Variants in SPTY2D1 observed in about 807,000 individuals in gnomAD.
The protein encoded by SPTY2D1 is SPT2 chromatin protein domain containing 1, also known as protein SPT2 homolog.
A neutral mutation model predicts 64.0 loss-of-function variants in SPTY2D1; 21 were observed. That is an observed-to-expected ratio of 0.33 (90% CI 0.23 to 0.47). SPTY2D1 has a LOEUF of 0.47. SPTY2D1 is among the 20% of genes least tolerant of loss of function. The pLI is 1.00. For missense variants in SPTY2D1, 724 were observed against 837.2 expected, an observed-to-expected ratio of 0.86 and a Z score of 1.67; for synonymous variants, 287 against 286.8, an observed-to-expected ratio of 1.00 and a Z score of -0.01.
At chr11:18,610,911 T>A (rs543606050) in intron 5 of SPTY2D1, among the ~76,000 whole-genome samples, 59 of 152,352 alleles carry the variant, frequency 3.9e-4, no homozygotes, top group African/African-American at 1.4e-3. Context: ...TTACTGTGTA[T>A]CCACACATGT....
At chr11:18,617,046 G>T (rs763752246) in intron 1 of SPTY2D1, 57 bp from the exon 2 acceptor site, 6 of 1,431,922 alleles carry the variant, frequency 4.2e-6, no homozygotes, top group Non-Finnish European at 5.9e-6. Flanking sequence ...TACATTATTA[G>T]GTATAAGGCA....
Position 18,615,679 on chromosome 11 carries a change from C to T in SPTY2D1, c.595G>A (p.Ala199Thr), listed in dbSNP as rs779603459. The stretch of plus-strand genomic sequence containing the variant: ...AATTCTCGCTCCCTAAGTTCTTCTG[C>T]GGTCATAGGTCGCTCTTCTGATTTC... ...VKKSEERPMT[A>T]EELREREFLE... The change falls in exon 3 of 6, where the codon GCA becomes ACA. Residue 199 changes from alanine (A) to threonine (T), a missense_variant. Physicochemically the swap from Ala to Thr is moderately conservative, Grantham distance 58. This residue lies in a region of SPTY2D1 where 179 missense variants were observed against 232.5 expected (regional missense o/e 0.77). Coordinates refer to ENST00000336349, the MANE Select transcript of SPTY2D1 (RefSeq NM_194285.3). The T allele has an allele frequency of 1.2e-5, 19 of 1,614,032 alleles. No homozygotes were observed. The highest frequency in any genetic ancestry group is 1.6e-4 in the Middle Eastern group (1 of 6,084).
chr11:18,607,742 C>T lies in SPTY2D1; in HGVS notation c.*2119G>A, dbSNP rs1020260795. The T allele has an allele frequency of 3.9e-5, 6 of 152,112 alleles. No individual in the cohort carries two copies. The highest frequency in any genetic ancestry group is 1.4e-4 in the African/African-American group (6 of 41,408). 9.4% of individuals were successfully genotyped at this position (152,112 alleles called of 1,614,324 possible). A position where few individuals can be genotyped will look rare whatever the true frequency, so the allele number is the denominator to read the frequency against. On this transcript the variant is annotated 3_prime_UTR_variant, in exon 6 of 6. Transcript: ENST00000336349. ...CTTTTAAATGAGCCACAGAAGTGCT[C>T]TTTTATAATGTTGACGCAAATCAAC...
At chr11:18,621,731 CT>C (rs1217844953) in intron 1 of SPTY2D1, among the ~76,000 whole-genome samples, 1 of 152,086 alleles carries the variant, frequency 6.6e-6, no homozygotes, top group Non-Finnish European at 1.5e-5. Context: ...TTTAATGAGG[CT>C]TAATCTTGTT....
intron 1 of SPTY2D1, among the ~76,000 whole-genome samples, chr11:18,628,304 G>A (rs1854531482): frequency 6.6e-6 from 1 of 152,170 alleles, no homozygotes; most frequent in Non-Finnish European, 1.5e-5. Context: ...GAACATTTGT[G>A]TACAAGTTTT....
intron 1 of SPTY2D1, among the ~76,000 whole-genome samples, chr11:18,627,715 A>G (rs1854520941): frequency 6.6e-6 from 1 of 152,050 alleles, no homozygotes; most frequent in Non-Finnish European, 1.5e-5. Context: ...CGTCTCTACT[A>G]AAAATACAAA....
At chr11:18,613,466 C>T (rs1464666898) in intron 3 of SPTY2D1, among the ~76,000 whole-genome samples, 2 of 152,154 alleles carry the variant, frequency 1.3e-5, no homozygotes, top group African/African-American at 2.4e-5. Context: ...AATGACATTT[C>T]GGACCAGATA....
rs539624644 is a variant in SPTY2D1, at chr11:18,617,316, G to A, written c.61-327C>T. On this transcript the variant is annotated intron_variant, in intron 1 of 5. Transcript: ENST00000336349. ...AATGAAATCACCACTTAGAAGAATC[G>A]ATTATTTGTGTTTTAAAATTCTGAT... 2.2e-3 allele frequency among the ~76,000 whole-genome samples: 328 copies of A among 152,158 alleles called. 5 individuals carry two copies. The highest frequency in any genetic ancestry group is 7.3e-3 in the African/African-American group (303 of 41,502).
intron 3 of SPTY2D1, among the ~76,000 whole-genome samples, chr11:18,614,313 C>A (rs1462167748): frequency 6.6e-6 from 1 of 152,006 alleles, no homozygotes; most frequent in Non-Finnish European, 1.5e-5. Flanking sequence ...TCCCAGCTAC[C>A]TGGGAAGCTA....
At chr11:18,611,327 A>G in intron 5 of SPTY2D1, 150 bp downstream of exon 5, 1 of 719,640 alleles carries the variant, frequency 1.4e-6, no homozygotes, top group Non-Finnish European at 2.4e-6. Flanking sequence ...ACTGTTAAGG[A>G]ATTTGTCCAA....
intron 1 of SPTY2D1, among the ~76,000 whole-genome samples, chr11:18,627,702 C>A (rs1854520706): frequency 6.6e-6 from 1 of 152,070 alleles, no homozygotes; most frequent in African/African-American, 2.4e-5. Flanking sequence ...CACAGTGAAA[C>A]CCCGTCTCTA....
intron 2 of SPTY2D1, 29 bp from the exon 3 acceptor site, chr11:18,616,127 T>C (rs753115883): frequency 2.6e-6 from 4 of 1,546,606 alleles, no homozygotes; most frequent in South Asian, 1.2e-5. Context: ...GAATATGTTA[T>C]TACTTCGAGA....
At chr11:18,621,355 G>GAAAAGAA (rs1357017849) in intron 1 of SPTY2D1, among the ~76,000 whole-genome samples, 1 of 150,636 alleles carries the variant, frequency 6.6e-6, no homozygotes, top group African/African-American at 2.4e-5. Context: ...GAAAAGAAAA[G>GAAAAGAA]AAAAGAAAAG....
At chr11:18,611,334 C>T in intron 5 of SPTY2D1, 143 bp downstream of exon 5, 1 of 747,188 alleles carries the variant, frequency 1.3e-6, no homozygotes, top group Non-Finnish European at 2.3e-6. Context: ...AGGAATTTGT[C>T]CAAGGCCCCA....
At chr11:18,624,661 A>G (rs1178540895) in intron 1 of SPTY2D1, among the ~76,000 whole-genome samples, 1 of 152,260 alleles carries the variant, frequency 6.6e-6, no homozygotes, top group Non-Finnish European at 1.5e-5. Context: ...ACATTAGTCT[A>G]GAAACATGTG....
chr11:18,612,563 G>A lies in SPTY2D1; in HGVS notation c.1712-75C>T. The stretch of plus-strand genomic sequence containing the variant: ...GCAGTTCTATGTAAACTGAAATTGT[G>A]AGTCATCATTAAGATGGTATCCTTT... On this transcript the variant is annotated intron_variant, in intron 3 of 5. Transcript: ENST00000336349. The surrounding 1 kb of genome is among the most constrained non-coding windows in gnomAD (Gnocchi z 4.6). 1 of 1,315,208 alleles carries A rather than the reference G, an allele frequency of 7.6e-7. No homozygotes were observed. The allele number at this position is 1,315,208 out of a possible 1,614,324, so 81.5% of individuals were successfully genotyped here.
At chr11:18,621,402 C>T (rs1158711837) in intron 1 of SPTY2D1, among the ~76,000 whole-genome samples, 2 of 144,950 alleles carry the variant, frequency 1.4e-5, no homozygotes, top group African/African-American at 5.2e-5. Context: ...AACAAAAATA[C>T]AGGAAAGGCA....
chr11:18,627,064 G>A (rs748750979), intron 1 of SPTY2D1, among the ~76,000 whole-genome samples: 33 of 152,062 alleles, frequency 2.2e-4, no homozygotes, highest in Non-Finnish European at 4.6e-4. Flanking sequence ...ATGACCTTTT[G>A]TTTTAAATTA....
chr11:18,614,490 C>T, intron 3 of SPTY2D1, 73 bp downstream of exon 3: 1 of 1,431,516 alleles, frequency 7.0e-7, no homozygotes. Flanking sequence ...TCAAAGGGTC[C>T]CTGATAATAT....
Sources: allele counts gnomAD v4.1 joint callset (sites outside exome capture counted in the v4.1 genomes callset), GRCh38; gene constraint gnomAD v4.1.1; regional missense constraint gnomAD v4.1.1; non-coding constraint Gnocchi (gnomAD v3.1); transcripts MANE v1.5; gene names NCBI Gene and HGNC (gene_info 2026-07-23, HGNC 2026-07-21).